SLIT3: variants seen among roughly 807,000 people sequenced by gnomAD.
The protein encoded by SLIT3 is slit guidance ligand 3, also known as slit homolog 3 protein.
SLIT3 carries 68 observed loss-of-function variants against 184.0 expected under a neutral mutation model. That is an observed-to-expected ratio of 0.37 (90% CI 0.30 to 0.45). The LOEUF is 0.45. Among genes scored for constraint, SLIT3 ranks in the 20% least tolerant of loss-of-function variants. SLIT3 has a pLI of 1.00. For missense variants in SLIT3, 1,707 were observed against 2,026.0 expected, an observed-to-expected ratio of 0.84 and a Z score of 3.02; for synonymous variants, 831 against 828.6, an observed-to-expected ratio of 1.00 and a Z score of -0.05.
intron 1 of SLIT3, among the ~76,000 whole-genome samples, chr5:169,285,980 A>G (rs1767138849): frequency 6.6e-6 from 1 of 152,226 alleles, no homozygotes; most frequent in South Asian, 2.1e-4. Context: ...TTAGAACACT[A>G]AGTTTTGGGG....
chr5:168,950,429 T>C (rs62377203), intron 4 of SLIT3, among the ~76,000 whole-genome samples: 5,932 of 152,292 alleles, frequency 0.039, 161 homozygotes, highest in Middle Eastern at 0.061. Flanking sequence ...CATGTTAATA[T>C]ATAGAGCAGA....
chr5:169,190,701 G>A (rs771097970), intron 4 of SLIT3, among the ~76,000 whole-genome samples: 6 of 152,142 alleles, frequency 3.9e-5, no homozygotes, highest in Non-Finnish European at 8.8e-5. Context: ...GCATACTCTG[G>A]TGTAGCCACC....
chr5:169,189,373 TTCCATTGCA>T (rs1328287069), intron 4 of SLIT3, among the ~76,000 whole-genome samples: 1 of 151,752 alleles, frequency 6.6e-6, no homozygotes, highest in Admixed American at 6.6e-5. Flanking sequence ...TGAGTCCCAG[TTCCATTGCA>T]TCCTAGTTAT....
chr5:169,300,897 G>GCAGCAA lies in SLIT3; in HGVS notation c.-194_-189dup, dbSNP rs1311601152. Reference sequence around the variant, plus strand: ...CGGGGCGCTCCGGGCGGCGGCGGCGGCAGCAACAGCAGCTCCATCGGCGGG... The same window carrying GCAGCAA: ...CGGGGCGCTCCGGGCGGCGGCGGCGGCAGCAACAGCAACAGCAGCTCCATCGGCGGG... On this transcript the variant is annotated 5_prime_UTR_variant, in exon 1 of 36. Transcript: ENST00000519560. This position sits in a 1 kb window ranked among gnomAD's most constrained non-coding sequence, Gnocchi z 4.1. The GCAGCAA allele has an allele frequency of 1.9e-5, 6 of 312,588 alleles. No homozygotes were observed. The highest frequency in any genetic ancestry group is 6.7e-5 in the African/African-American group (3 of 44,816). The allele number at this position is 312,588 out of a possible 1,614,324, so 19.4% of individuals were successfully genotyped here. A position where few individuals can be genotyped will look rare whatever the true frequency, so the allele number is the denominator to read the frequency against.
chr5:169,177,928 C>T (rs2113434246), intron 4 of SLIT3, among the ~76,000 whole-genome samples: 1 of 152,306 alleles, frequency 6.6e-6, no homozygotes, highest in East Asian at 1.9e-4. Flanking sequence ...CTTCTGATTG[C>T]CTCTTCTGTT....
At chr5:169,009,944 T>G (rs777515312) in intron 4 of SLIT3, among the ~76,000 whole-genome samples, 18 of 152,220 alleles carry the variant, frequency 1.2e-4, no homozygotes, top group Non-Finnish European at 2.2e-4. Context: ...AGCCTTGCCT[T>G]CACTGCCTCA....
chr5:168,950,735 G>T (rs1762624767), intron 4 of SLIT3, among the ~76,000 whole-genome samples: 1 of 152,188 alleles, frequency 6.6e-6, no homozygotes, highest in South Asian at 2.1e-4. Context: ...ACCACGTAAG[G>T]ATGTGAAAGT....
Position 169,171,011 on chromosome 5 carries a change from C to T in SLIT3, c.413+22468G>A, listed in dbSNP as rs1040973289. ...ACAGAGGGAACATCTTGGTTAATAACACCAAAATGAGAAGCAGTCCATTAA... is the reference window on the plus strand; with the variant it reads ...ACAGAGGGAACATCTTGGTTAATAATACCAAAATGAGAAGCAGTCCATTAA... On this transcript the variant is annotated intron_variant, in intron 4 of 35. Transcript: ENST00000519560. 5.9e-5 allele frequency among the ~76,000 whole-genome samples: 9 copies of T among 152,280 alleles called. No homozygotes were observed. The East Asian group carries it at 7.7e-4, about 13-fold the overall frequency.
intron 3 of SLIT3, among the ~76,000 whole-genome samples, chr5:169,230,022 C>T (rs570430498): frequency 1.7e-4 from 26 of 152,152 alleles, no homozygotes; most frequent in Non-Finnish European, 2.5e-4. Flanking sequence ...CTGCTGCTCA[C>T]TGTATAAGCA....
chr5:169,147,754 T>C (rs1238967126), intron 4 of SLIT3, among the ~76,000 whole-genome samples: 1 of 152,140 alleles, frequency 6.6e-6, no homozygotes, highest in African/African-American at 2.4e-5. Context: ...GGCCTCCTGC[T>C]TTTCAGTAGA....
At chr5:169,199,186 A>T (rs1171834332) in intron 3 of SLIT3, among the ~76,000 whole-genome samples, 1 of 151,956 alleles carries the variant, frequency 6.6e-6, no homozygotes, top group African/African-American at 2.4e-5. Flanking sequence ...AGTGTAGGAG[A>T]GAGAGGTGAG....
intron 32 of SLIT3, 72 bp from the exon 33 acceptor site, chr5:168,673,403 G>C: frequency 7.3e-7 from 1 of 1,368,364 alleles, no homozygotes; most frequent in Admixed American, 2.1e-5. Flanking sequence ...CTGTGCTGTG[G>C]ACTTGACCTG....
chr5:169,284,300 C>A (rs1473715313), intron 1 of SLIT3, among the ~76,000 whole-genome samples: 2 of 152,210 alleles, frequency 1.3e-5, no homozygotes, highest in African/African-American at 4.8e-5. Flanking sequence ...CTGTCCCGGG[C>A]AGCTTACCTG....
rs372778641 is a variant in SLIT3 at position 169,052,003 on chromosome 5, G to A, written c.413+141476C>T. Among the ~76,000 whole-genome samples the A allele has an allele frequency of 2.2e-4, 34 of 152,258 alleles. No homozygotes were observed. In the East Asian group the frequency reaches 4.8e-3, roughly 22 times the overall value. On this transcript the variant is annotated intron_variant, in intron 4 of 35. Transcript: ENST00000519560. ...AAACTTCACAGGACCAGAAGGAAAG[G>A]CGATGTACTGAAGGCTAGTTACAAT...
chr5:168,938,156 G>A (rs1424943209), intron 4 of SLIT3, among the ~76,000 whole-genome samples: 1 of 152,172 alleles, frequency 6.6e-6, no homozygotes, highest in African/African-American at 2.4e-5. Flanking sequence ...AACTTCTTCT[G>A]ATACATACAT....
intron 4 of SLIT3, among the ~76,000 whole-genome samples, chr5:168,965,139 TG>T (rs1156908613): frequency 1.3e-5 from 2 of 152,228 alleles, no homozygotes; most frequent in Non-Finnish European, 2.9e-5. Context: ...TGAGCTCACC[TG>T]GGTCACTCTC....
chr5:168,710,905 G>A lies in SLIT3; in HGVS notation c.2709C>T (p.Phe903=). 1 of 1,547,012 alleles carries A rather than the reference G, an allele frequency of 6.5e-7. No individual in the cohort carries two copies. The highest frequency in any genetic ancestry group is 8.7e-7 in the Non-Finnish European group (1 of 1,143,282). Residue 903 remains phenylalanine, a synonymous_variant, in exon 25 of 36, where the codon TTC becomes TTT. Transcript: ENST00000519560. ...RLLLTTPTHR[F]QCKGPVDINI... ...GTGGGCGTCACCTACCTTTGCACTG[G>A]AAGCGGTGGGTTGGGGTGGTGAGCA... is the stretch of plus-strand genomic sequence containing the variant.
intron 4 of SLIT3, among the ~76,000 whole-genome samples, chr5:169,046,950 C>T (rs1757645455): frequency 6.6e-6 from 1 of 152,138 alleles, no homozygotes; most frequent in Non-Finnish European, 1.5e-5. Context: ...ATTCTAGGCG[C>T]TTGCTACAGG....
chr5:168,970,356 G>A (rs550881789), intron 4 of SLIT3, among the ~76,000 whole-genome samples: 4 of 152,068 alleles, frequency 2.6e-5, no homozygotes, highest in East Asian at 1.9e-4. Context: ...ATAGCCAAGC[G>A]TGGTGGCACA....
Sources: allele counts gnomAD v4.1 joint callset (sites outside exome capture counted in the v4.1 genomes callset), GRCh38; gene constraint gnomAD v4.1.1; non-coding constraint Gnocchi (gnomAD v3.1); transcripts MANE v1.5; gene names NCBI Gene and HGNC (gene_info 2026-07-23, HGNC 2026-07-21).